The following STXBP5 variants were observed in gnomAD, a reference collection of about 807,000 sequenced individuals.
STXBP5 encodes the protein syntaxin binding protein 5.
A neutral mutation model predicts 152.4 loss-of-function variants in STXBP5; 50 were observed. The observed-to-expected ratio is 0.33, with a 90% CI of 0.26 to 0.42. The LOEUF is 0.42. STXBP5 is among the 10% of genes least tolerant of loss of function. STXBP5 has a pLI of 1.00. For missense variants in STXBP5, 1,167 were observed against 1,388.6 expected (o/e 0.84, Z 2.54); for synonymous variants, 492 against 494.7 (o/e 0.99, Z 0.07).
At chr6:147,213,442 G>A (rs1277007318) in intron 2 of STXBP5, among the ~76,000 whole-genome samples, 2 of 91,786 alleles carry the variant, frequency 2.2e-5, no homozygotes, top group Non-Finnish European at 5.2e-5. Flanking sequence ...ATATGTGTGT[G>A]TGTGTGTGTG....
intron 9 of STXBP5, among the ~76,000 whole-genome samples, chr6:147,300,242 G>A (rs1251211270): frequency 1.3e-5 from 2 of 152,098 alleles, no homozygotes; most frequent in Non-Finnish European, 2.9e-5. Flanking sequence ...ATGAGCCACA[G>A]ATTCCATGTA....
chr6:147,229,454 C>T (rs1777887003), intron 2 of STXBP5, among the ~76,000 whole-genome samples: 1 of 151,578 alleles, frequency 6.6e-6, no homozygotes, highest in Admixed American at 6.6e-5. Flanking sequence ...TGTTTAGGTT[C>T]TTTATATCAG....
chr6:147,283,487 C>G (rs1003606199), intron 8 of STXBP5, among the ~76,000 whole-genome samples: 2 of 152,120 alleles, frequency 1.3e-5, no homozygotes, highest in African/African-American at 4.8e-5. Context: ...GGATATGATA[C>G]AGGAGGAGAA....
At chr6:147,289,473 A>G (rs756800444) in intron 8 of STXBP5, among the ~76,000 whole-genome samples, 1 of 152,170 alleles carries the variant, frequency 6.6e-6, no homozygotes, top group African/African-American at 2.4e-5. Context: ...AGGCTGATAG[A>G]CTTGATTATT....
chr6:147,248,424 A>C (rs1778921958), intron 4 of STXBP5, among the ~76,000 whole-genome samples: 3 of 152,184 alleles, frequency 2.0e-5, no homozygotes, highest in Admixed American at 2.0e-4. Context: ...AGAGGTTTAT[A>C]TGAAAACATA....
intron 18 of STXBP5, among the ~76,000 whole-genome samples, chr6:147,327,533 T>C (rs1036621004): frequency 6.6e-6 from 1 of 152,140 alleles, no homozygotes; most frequent in African/African-American, 2.4e-5. Flanking sequence ...CCTTGACCTC[T>C]TGGGCTCAGG....
chr6:147,207,780 T>A (rs1218649268), intron 2 of STXBP5, among the ~76,000 whole-genome samples: 1 of 152,132 alleles, frequency 6.6e-6, no homozygotes, highest in East Asian at 1.9e-4. Flanking sequence ...GTAAAATGAG[T>A]TTAGGTTTTA....
At position 147,339,374 on chromosome 6, in the gene STXBP5, C is replaced by A; in HGVS notation, c.2244C>A (p.Ala748=). 6 of 1,498,084 alleles carry A rather than the reference C, an allele frequency of 4.0e-6. No homozygotes were observed. Among genetic ancestry groups the A allele is most frequent in the Non-Finnish European group, 5.3e-6 (6 of 1,131,308 alleles). 92.8% of individuals were successfully genotyped at this position (1,498,084 alleles called of 1,614,324 possible). A position where few individuals can be genotyped will look rare whatever the true frequency, so the allele number is the denominator to read the frequency against. Residue 748 remains alanine, a synonymous_variant, in exon 21 of 28, where the codon GCC becomes GCA. Transcript: ENST00000321680. ...TKSRKFSKMV[A]NDIAKMSRKL... ...GCAGAAAGTTTTCCAAGATGGTAGC[C>A]AATGATATAGGTAGGAAATAGAAAT...
chr6:147,317,642 A>C (rs1339805405), intron 16 of STXBP5, among the ~76,000 whole-genome samples: 1 of 152,168 alleles, frequency 6.6e-6, no homozygotes, highest in African/African-American at 2.4e-5. Context: ...ATACCCATTG[A>C]GGTTAAGCAG....
chr6:147,359,371 T>C, intron 23 of STXBP5, 48 bp downstream of exon 23: 1 of 1,570,060 alleles, frequency 6.4e-7, no homozygotes, highest in South Asian at 1.2e-5. Context: ...TGTGATTTAC[T>C]ATGATAGAAG....
At chr6:147,316,025 T>G (rs1782624842) in intron 15 of STXBP5, among the ~76,000 whole-genome samples, 1 of 152,200 alleles carries the variant, frequency 6.6e-6, no homozygotes, top group Non-Finnish European at 1.5e-5. Flanking sequence ...AAAATCATAA[T>G]GCACGTTTGT....
chr6:147,340,548 A>T (rs1302285143), intron 21 of STXBP5, among the ~76,000 whole-genome samples: 2 of 152,056 alleles, frequency 1.3e-5, no homozygotes, highest in Non-Finnish European at 2.9e-5. Context: ...TTCTATCTTA[A>T]TAGTACATTA....
rs75543604 is a variant in STXBP5 at position 147,291,380 on chromosome 6, A to C, written c.917+208A>C. ...GTTCTTGTCTTTAGTAGTTTTACAC[A>C]TTATCTTGGAAAGTTTGAATTATTT... On this transcript the variant is annotated intron_variant, in intron 9 of 27. Transcript: ENST00000321680. Among the ~76,000 whole-genome samples the C allele has an allele frequency of 7.3e-3, 1,104 of 152,266 alleles. 14 individuals are homozygous for C. The highest frequency in any genetic ancestry group is 0.025 in the African/African-American group (1,059 of 41,570).
intron 16 of STXBP5, among the ~76,000 whole-genome samples, chr6:147,324,264 GTTTTTTTTTTTTTT>G (rs1179573055): frequency 1.7e-5 from 1 of 57,952 alleles, no homozygotes; most frequent in South Asian, 7.9e-4. Context: ...TTTTTTTTTG[GTTTTTTTTTTTTTT>G]TTTTTTTTTT....
In STXBP5 at chr6:147,313,869, T is replaced by C. The variant is rs1426888271; in HGVS notation, c.1146-15T>C. The C allele has an allele frequency of 6.8e-7, 1 of 1,472,888 alleles. No individual in the cohort carries two copies. Among genetic ancestry groups the C allele is most frequent in the Non-Finnish European group, 9.2e-7 (1 of 1,083,904 alleles). 91.2% of individuals were successfully genotyped at this position (1,472,888 alleles called of 1,614,324 possible). ...CATTAAATTAATAAATACTTTTCTT[T>C]TTCTGTTGTTAAAGATATCCTATAT... On this transcript the variant is annotated splice_polypyrimidine_tract_variant and intron_variant, in intron 11 of 27. Coordinates refer to ENST00000321680, the MANE Select transcript of STXBP5 (RefSeq NM_001127715.4).
chr6:147,321,156 T>C (rs945801741), intron 16 of STXBP5, among the ~76,000 whole-genome samples: 1 of 152,192 alleles, frequency 6.6e-6, no homozygotes, highest in Non-Finnish European at 1.5e-5. Context: ...TTTTTTCTTT[T>C]AATAGTCTTC....
At chr6:147,265,297 C>G (rs1488983864) in intron 6 of STXBP5, among the ~76,000 whole-genome samples, 1 of 152,096 alleles carries the variant, frequency 6.6e-6, no homozygotes, top group Non-Finnish European at 1.5e-5. Context: ...CCCCTGTACT[C>G]TGAAATCTTC....
At chr6:147,311,361 A>G (rs1191383678) in intron 10 of STXBP5, 94 bp from the exon 11 acceptor site, 1 of 1,041,426 alleles carries the variant, frequency 9.6e-7, no homozygotes, top group Non-Finnish European at 1.5e-6. Context: ...TACTCAAGAG[A>G]ATGAAACTAA....
Position 147,329,670 on chromosome 6 carries a change from G to C in STXBP5, c.2080+2394G>C, listed in dbSNP as rs1001589663. Among the ~76,000 whole-genome samples, 198 of 109,634 alleles carry C rather than the reference G, an allele frequency of 1.8e-3. 2 individuals are homozygous for C. Among genetic ancestry groups the C allele is most frequent in the Non-Finnish European group, 4.1e-4 (25 of 60,292 alleles). 71.9% of individuals were successfully genotyped at this position (109,634 alleles called of 152,430 possible). A position where few individuals can be genotyped will look rare whatever the true frequency, so the allele number is the denominator to read the frequency against. On this transcript the variant is annotated intron_variant, in intron 18 of 27. Transcript: ENST00000321680. The stretch of plus-strand genomic sequence containing the variant: ...AGACGGAGTCTCGCTCTTTCGCCCA[G>C]GCTGGACTGCAGTGGCGCTGTCTTG...
Sources: gnomAD v4.1 joint callset for allele counts (sites outside exome capture counted in the v4.1 genomes callset) on GRCh38, gnomAD v4.1.1 for gene constraint, MANE v1.5 for transcripts, NCBI Gene and HGNC (gene_info 2026-07-23, HGNC 2026-07-21) for gene names.